Variants in KCNQ3 observed in about 807,000 individuals in gnomAD.
The protein encoded by KCNQ3 is potassium voltage-gated channel subfamily Q member 3.
A neutral mutation model predicts 92.5 loss-of-function variants in KCNQ3; 30 were observed. The ratio of observed to expected loss-of-function variants is 0.32; its 90% confidence interval spans 0.24 to 0.44. The LOEUF (loss-of-function observed/expected upper bound fraction) is 0.44, where lower values mean the gene tolerates loss of function less well. Among genes scored for constraint, KCNQ3 ranks in the 20% least tolerant of loss-of-function variants. The pLI, the probability that KCNQ3 is intolerant of heterozygous loss-of-function variation, is 1.00. For synonymous variants in KCNQ3, 450 were observed against 468.8 expected (o/e 0.96, Z 0.52); for missense variants, 913 against 1,140.3 (o/e 0.80, Z 2.87).
At chr8:132,303,837 C>A (rs1586911402) in intron 1 of KCNQ3, among the ~76,000 whole-genome samples, 1 of 149,212 alleles carries the variant, frequency 6.7e-6, no homozygotes, top group East Asian at 2.0e-4. Flanking sequence ...TATGTACACA[C>A]AGAAAATATT....
At chr8:132,417,402 T>C (rs1460451171) in intron 1 of KCNQ3, among the ~76,000 whole-genome samples, 1 of 152,150 alleles carries the variant, frequency 6.6e-6, no homozygotes, top group Admixed American at 6.5e-5. Flanking sequence ...TCCTGCTGGT[T>C]CCTCCTATTG....
chr8:132,418,080 C>A (rs549140989), intron 1 of KCNQ3, among the ~76,000 whole-genome samples: 4 of 152,092 alleles, frequency 2.6e-5, no homozygotes, highest in Non-Finnish European at 5.9e-5. Context: ...ATCAGGGACA[C>A]GACACTTAGC....
At chr8:132,419,869 C>T (rs951821367) in intron 1 of KCNQ3, among the ~76,000 whole-genome samples, 1 of 152,214 alleles carries the variant, frequency 6.6e-6, no homozygotes, top group Admixed American at 6.5e-5. Context: ...AACCTGCATT[C>T]TTCCAAACAT....
intron 1 of KCNQ3, among the ~76,000 whole-genome samples, chr8:132,199,524 G>GT (rs1323369922): frequency 6.6e-6 from 1 of 152,132 alleles, no homozygotes; most frequent in African/African-American, 2.4e-5. Flanking sequence ...CCTTAAGTAG[G>GT]TTTTTATTGA....
chr8:132,135,533 C>A (rs925183804), intron 12 of KCNQ3, among the ~76,000 whole-genome samples: 6 of 152,124 alleles, frequency 3.9e-5, no homozygotes, highest in Admixed American at 2.6e-4. Context: ...GATATGCAAT[C>A]AGAGGTCCAG....
intron 1 of KCNQ3, among the ~76,000 whole-genome samples, chr8:132,405,232 A>G (rs1028401613): frequency 5.9e-5 from 9 of 152,230 alleles, no homozygotes; most frequent in African/African-American, 1.7e-4. Context: ...AGAATGCCTA[A>G]GAAGGTGACA....
chr8:132,425,191 C>T (rs151205823), intron 1 of KCNQ3, among the ~76,000 whole-genome samples: 41 of 152,314 alleles, frequency 2.7e-4, no homozygotes, highest in African/African-American at 9.6e-4. Flanking sequence ...CATATAGTCT[C>T]AGGAGAGTCA....
intron 1 of KCNQ3, among the ~76,000 whole-genome samples, chr8:132,339,979 A>T (rs187064060): frequency 6.6e-6 from 1 of 152,258 alleles, no homozygotes; most frequent in African/African-American, 2.4e-5. Flanking sequence ...AAAGCTCATC[A>T]AAAAGTTAGA....
chr8:132,404,969 C>T (rs1586991136), intron 1 of KCNQ3, among the ~76,000 whole-genome samples: 1 of 152,170 alleles, frequency 6.6e-6, no homozygotes, highest in Admixed American at 6.5e-5. Context: ...CCTATGACCA[C>T]AATTCAGAGA....
At chr8:132,186,441 A>C (rs1826959528) in intron 1 of KCNQ3, 2 of 436,410 alleles carry the variant, frequency 4.6e-6, no homozygotes, top group Non-Finnish European at 4.3e-6. Flanking sequence ...AGAATCAGCT[A>C]GTTAGAATTT....
At chr8:132,357,788 C>T (rs576147784) in intron 1 of KCNQ3, among the ~76,000 whole-genome samples, 1 of 152,176 alleles carries the variant, frequency 6.6e-6, no homozygotes, top group Non-Finnish European at 1.5e-5. Context: ...CCATGGGATC[C>T]CCCACTCCAC....
chr8:132,230,457 GA>G (rs918624798), intron 1 of KCNQ3, among the ~76,000 whole-genome samples: 1 of 145,414 alleles, frequency 6.9e-6, no homozygotes, highest in Non-Finnish European at 1.5e-5. Context: ...GACAGAGAGA[GA>G]GAGAGAGAGA....
At chr8:132,428,100 C>T (rs1283015818) in intron 1 of KCNQ3, among the ~76,000 whole-genome samples, 1 of 152,160 alleles carries the variant, frequency 6.6e-6, no homozygotes, top group Non-Finnish European at 1.5e-5. Flanking sequence ...CTCTGCAACT[C>T]TGTCTCTCTC....
At chr8:132,452,150 C>T (rs1333439160) in intron 1 of KCNQ3, among the ~76,000 whole-genome samples, 1 of 152,198 alleles carries the variant, frequency 6.6e-6, no homozygotes, top group African/African-American at 2.4e-5. Flanking sequence ...GCATTAACCA[C>T]ATTCGCATCG....
intron 9 of KCNQ3, among the ~76,000 whole-genome samples, chr8:132,149,748 A>T (rs1357691294): frequency 6.6e-6 from 1 of 152,136 alleles, no homozygotes; most frequent in Non-Finnish European, 1.5e-5. Flanking sequence ...ACTGGAGTGC[A>T]TGGCTGTAGT....
Position 132,186,172 on chromosome 8 carries a change from A to T in KCNQ3, c.396T>A (p.Ile132=). ...CAGCCAGAATCAAGCACCCCAGGAC[A>T]ATCAGGAACCTAGAGGGGAAGAAAG... ...ALLYHALVFL[I]VLGCLILAVL... Residue 132 remains isoleucine, a synonymous_variant, in exon 2 of 15, where the codon ATT becomes ATA. Coordinates refer to ENST00000388996, the MANE Select transcript of KCNQ3 (RefSeq NM_004519.4). 2 of 1,612,944 alleles carry T rather than the reference A, an allele frequency of 1.2e-6. No homozygotes were observed. Among genetic ancestry groups the T allele is most frequent in the Non-Finnish European group, 1.7e-6 (2 of 1,178,906 alleles).
At chr8:132,143,777 T>C (rs1218792290) in intron 9 of KCNQ3, among the ~76,000 whole-genome samples, 3 of 152,128 alleles carry the variant, frequency 2.0e-5, no homozygotes, top group Non-Finnish European at 2.9e-5. Context: ...ACGATGTGTG[T>C]GAAAAGGATG....
intron 1 of KCNQ3, among the ~76,000 whole-genome samples, chr8:132,410,511 A>G (rs893014372): frequency 2.0e-5 from 3 of 152,228 alleles, no homozygotes; most frequent in African/African-American, 7.2e-5. Context: ...TGAGTGGCTC[A>G]TGAGCGAGAT....
rs943070827 is a variant in KCNQ3 at position 132,128,438 on chromosome 8, G to A, written c.*824C>T. 2 of 151,992 alleles carry A rather than the reference G, an allele frequency of 1.3e-5. No individual in the cohort carries two copies. Among genetic ancestry groups the A allele is most frequent in the Non-Finnish European group, 2.9e-5 (2 of 68,020 alleles). 9.4% of individuals were successfully genotyped at this position (151,992 alleles called of 1,614,324 possible). A position where few individuals can be genotyped will look rare whatever the true frequency, so the allele number is the denominator to read the frequency against. On this transcript the variant is annotated 3_prime_UTR_variant, in exon 15 of 15. Coordinates refer to ENST00000388996, the MANE Select transcript of KCNQ3 (RefSeq NM_004519.4). ...CACTGAACTCAGCTCCTGCCCAGAG[G>A]GGCACTTCACTTCTGATAAATTCCA...
Sources: gnomAD v4.1 joint callset for allele counts (sites outside exome capture counted in the v4.1 genomes callset) on GRCh38, gnomAD v4.1.1 for gene constraint, MANE v1.5 for transcripts, NCBI Gene and HGNC (gene_info 2026-07-23, HGNC 2026-07-21) for gene names.